TMEM132D: variants seen among roughly 807,000 people sequenced by gnomAD.
TMEM132D encodes the protein transmembrane protein 132D.
Under a neutral mutation model 62.3 loss-of-function variants are expected in TMEM132D, and 21 were observed. That is an observed-to-expected ratio of 0.34 (90% CI 0.24 to 0.49). The LOEUF is 0.49. TMEM132D is among the 20% of genes least tolerant of loss of function. The pLI is 0.99. For missense variants in TMEM132D, 1,346 were observed against 1,402.8 expected (o/e 0.96, Z 0.65); for synonymous variants, 621 against 575.6 (o/e 1.08, Z -1.13).
chr12:129,565,247 T>C (rs1461057106), intron 2 of TMEM132D, among the ~76,000 whole-genome samples: 1 of 152,062 alleles, frequency 6.6e-6, no homozygotes, highest in Non-Finnish European at 1.5e-5. Context: ...ACAAACCTGG[T>C]TGGGAACTAG....
intron 4 of TMEM132D, among the ~76,000 whole-genome samples, chr12:129,247,157 GT>G (rs1177520675): frequency 2.0e-5 from 3 of 152,182 alleles, no homozygotes; most frequent in African/African-American, 7.2e-5. Flanking sequence ...GAGAGTCAAT[GT>G]ACAGGTTTTC....
intron 3 of TMEM132D, among the ~76,000 whole-genome samples, chr12:129,496,197 A>C (rs1354243340): frequency 6.6e-6 from 1 of 152,242 alleles, no homozygotes; most frequent in Non-Finnish European, 1.5e-5. Context: ...TTTTAAAAGC[A>C]TACTAAGCTA....
chr12:129,468,298 A>C (rs890167381), intron 3 of TMEM132D, among the ~76,000 whole-genome samples: 1 of 152,084 alleles, frequency 6.6e-6, no homozygotes, highest in Non-Finnish European at 1.5e-5. Flanking sequence ...CTCCATCTCT[A>C]TCTGTAGACT....
chr12:129,854,633 G>A (rs1028326814), intron 1 of TMEM132D: 6 of 152,236 alleles, frequency 3.9e-5, no homozygotes, highest in Non-Finnish European at 7.3e-5. Context: ...TCTCCCCACT[G>A]TCTGACAGTA....
At chr12:129,663,082 C>G (rs769845896) in intron 2 of TMEM132D, among the ~76,000 whole-genome samples, 5 of 151,964 alleles carry the variant, frequency 3.3e-5, no homozygotes, top group Non-Finnish European at 5.9e-5. Context: ...CAATAGGACA[C>G]CGTTCCAGGC....
At chr12:129,266,278 C>T (rs1305814419) in intron 4 of TMEM132D, among the ~76,000 whole-genome samples, 4 of 152,076 alleles carry the variant, frequency 2.6e-5, no homozygotes, top group African/African-American at 4.8e-5. Context: ...CTCCTTGGCT[C>T]GCTCCTCCTC....
At chr12:129,131,590 A>G (rs1235917903) in intron 5 of TMEM132D, among the ~76,000 whole-genome samples, 5 of 151,836 alleles carry the variant, frequency 3.3e-5, no homozygotes, top group Non-Finnish European at 7.4e-5. Flanking sequence ...CTTGGGTGAC[A>G]GAGTGAGACT....
intron 2 of TMEM132D, among the ~76,000 whole-genome samples, chr12:129,647,292 G>GC (rs1565935516): frequency 8.1e-6 from 1 of 124,074 alleles, no homozygotes. Context: ...TGCAGCTCTA[G>GC]TTTATTTATT....
chr12:129,237,455 T>C (rs547252416), intron 4 of TMEM132D, among the ~76,000 whole-genome samples: 2 of 152,334 alleles, frequency 1.3e-5, no homozygotes, highest in Non-Finnish European at 2.9e-5. Flanking sequence ...ATTTAGTTCA[T>C]GATATTTTCT....
chr12:129,363,008 T>C (rs1870295442), intron 3 of TMEM132D, among the ~76,000 whole-genome samples: 1 of 152,242 alleles, frequency 6.6e-6, no homozygotes, highest in Non-Finnish European at 1.5e-5. Flanking sequence ...GTTTTTCATC[T>C]GCTACATCTG....
At chr12:129,481,515 G>A (rs1874429703) in intron 3 of TMEM132D, among the ~76,000 whole-genome samples, 1 of 146,438 alleles carries the variant, frequency 6.8e-6, no homozygotes. Context: ...CCTATAAACA[G>A]AGAAAAATAC....
chr12:129,149,790 C>T (rs1472477299), intron 5 of TMEM132D, among the ~76,000 whole-genome samples: 1 of 152,326 alleles, frequency 6.6e-6, no homozygotes, highest in East Asian at 1.9e-4. Context: ...TGGGTGGTCA[C>T]CTCATTCTGG....
chr12:129,275,073 A>T (rs1880968400), intron 4 of TMEM132D, among the ~76,000 whole-genome samples: 1 of 152,128 alleles, frequency 6.6e-6, no homozygotes, highest in Non-Finnish European at 1.5e-5. Flanking sequence ...TGAGGCCAGG[A>T]GTTTAAGACT....
chr12:129,220,222 C>T (rs1181793222), intron 4 of TMEM132D, among the ~76,000 whole-genome samples: 1 of 152,058 alleles, frequency 6.6e-6, no homozygotes, highest in Admixed American at 6.5e-5. Flanking sequence ...GAGAGTGGGC[C>T]ACCAAGAACC....
At chr12:129,241,737 T>C (rs1347265629) in intron 4 of TMEM132D, among the ~76,000 whole-genome samples, 1 of 152,234 alleles carries the variant, frequency 6.6e-6, no homozygotes, top group African/African-American at 2.4e-5. Context: ...AGATCTATCT[T>C]TCCTGCCAGA....
chr12:129,340,562 G>GT (rs1407241892), intron 3 of TMEM132D, among the ~76,000 whole-genome samples: 5 of 151,816 alleles, frequency 3.3e-5, no homozygotes, highest in Admixed American at 2.0e-4. Flanking sequence ...GCGGTGTTTG[G>GT]TTTTTTGTCC....
At chr12:129,828,992 A>C (rs1593178434) in intron 1 of TMEM132D, among the ~76,000 whole-genome samples, 2 of 151,984 alleles carry the variant, frequency 1.3e-5, no homozygotes, top group East Asian at 2.0e-4. Context: ...AATTAATTGC[A>C]AGAAGCCAGT....
chr12:129,312,468 A>G (rs1410930109), intron 4 of TMEM132D, among the ~76,000 whole-genome samples: 1 of 152,242 alleles, frequency 6.6e-6, no homozygotes, highest in Non-Finnish European at 1.5e-5. Flanking sequence ...GAATGAGAGG[A>G]CATCTATCAT....
At chr12:129,847,136 G>C (rs1873388347) in intron 1 of TMEM132D, among the ~76,000 whole-genome samples, 1 of 152,222 alleles carries the variant, frequency 6.6e-6, no homozygotes, top group South Asian at 2.1e-4. Context: ...TTGAGTTTCA[G>C]TGAGGATTAA....
Sources: allele counts gnomAD v4.1 joint callset (sites outside exome capture counted in the v4.1 genomes callset), GRCh38; gene constraint gnomAD v4.1.1; transcripts MANE v1.5; gene names NCBI Gene and HGNC (gene_info 2026-07-23, HGNC 2026-07-21).